AP3B2: variants seen among roughly 807,000 people sequenced by gnomAD.
The protein encoded by AP3B2 is adaptor related protein complex 3 subunit beta 2, also known as AP-3 complex subunit beta-2.
A neutral mutation model predicts 126.9 loss-of-function variants in AP3B2; 50 were observed. The observed-to-expected ratio is 0.39, with a 90% confidence interval of 0.31 to 0.50. The LOEUF (loss-of-function observed/expected upper bound fraction) is 0.50, where lower values mean the gene tolerates loss of function less well. AP3B2 is among the 20% of genes least tolerant of loss of function. AP3B2 has a pLI of 0.79. For missense variants in AP3B2, 1,177 were observed against 1,426.4 expected (o/e 0.83, Z 2.82); for synonymous variants, 541 against 565.0 (o/e 0.96, Z 0.60).
rs1189258557 is a variant in AP3B2, at chr15:82,680,967, A to G, written c.641T>C (p.Ile214Thr). Residue 214 changes from isoleucine to threonine, a missense_variant, in exon 7 of 27, where the codon ATC (isoleucine) becomes ACC (threonine). By Grantham distance (89) the Ile-to-Thr change is moderately conservative (BLOSUM62 -1). This residue lies in a region of AP3B2 where 130 missense variants were observed against 262.0 expected (regional missense o/e 0.50). Coordinates refer to ENST00000535359, the MANE Select transcript of AP3B2 (RefSeq NM_001278512.2). The surrounding 1 kb of genome is among the most constrained non-coding windows in gnomAD (Gnocchi z 6.1). ...CCGGTAGTTTTTGTGAATCAGGTCGATGCGCTCCGGGCAGACCTCCTCAAA... is the reference window on the plus strand; with the variant it reads ...CCGGTAGTTTTTGTGAATCAGGTCGGTGCGCTCCGGGCAGACCTCCTCAAA... Reference protein sequence around the residue: ...MAFEEVCPERIDLIHKNYRKL... With the variant: ...MAFEEVCPERTDLIHKNYRKL... 6.2e-7 allele frequency: 1 copy of G among 1,613,758 alleles called. No homozygotes were observed. Among genetic ancestry groups the G allele is most frequent in the South Asian group, 1.1e-5 (1 of 91,068 alleles).
intron 20 of AP3B2, 71 bp from the exon 21 acceptor site, chr15:82,663,691 A>T: frequency 2.5e-6 from 4 of 1,610,958 alleles, no homozygotes; most frequent in Non-Finnish European, 3.4e-6. Flanking sequence ...TGGGTAGAAG[A>T]TGTCATGTTC....
chr15:82,662,199 C>T lies in AP3B2; in HGVS notation c.2887G>A (p.Asp963Asn), dbSNP rs756920346. 7 of 1,604,096 alleles carry T rather than the reference C, an allele frequency of 4.4e-6. No individual in the cohort carries two copies. The highest frequency in any genetic ancestry group is 6.0e-6 in the Non-Finnish European group (7 of 1,175,240). ...ATAVMGINFC[D>N]STQAANFQLC... ...TGGAAGTTGGCTGCCTGGGTTGAGT[C>T]ACAGAAATTAATGCCCATTACAGCA... is the stretch of plus-strand genomic sequence containing the variant. Residue 963 changes from aspartate to asparagine, a missense_variant, in exon 24 of 27, where the codon GAC becomes AAC. Physicochemically the swap from Asp to Asn is conservative, Grantham distance 23. Around this residue, in one of 5 missense-constraint regions of AP3B2, gnomAD observed 587 missense variants for 571.3 expected, o/e 1.03. Transcript: ENST00000535359.
rs60453689 is a variant in AP3B2 at position 82,688,249 on chromosome 15, G to A, written c.360+487C>T. Reference sequence around the variant, plus strand: ...TTAGACTAACCAGAAAAGCCCTTAGGGGGGAGACTTATACATGCACCTAAC... The same window carrying A: ...TTAGACTAACCAGAAAAGCCCTTAGAGGGGAGACTTATACATGCACCTAAC... On this transcript the variant is annotated intron_variant, in intron 4 of 26. Transcript: ENST00000535359. 9.1e-4 allele frequency: 536 copies of A among 592,112 alleles called. 1 individual carries two copies. Among genetic ancestry groups the A allele is most frequent in the Admixed American group, 2.2e-3 (76 of 34,128 alleles). 36.7% of individuals were successfully genotyped at this position (592,112 alleles called of 1,614,324 possible). A position where few individuals can be genotyped will look rare whatever the true frequency, so the allele number is the denominator to read the frequency against.
At chr15:82,685,319 T>C (rs1340082473) in intron 4 of AP3B2, 1 of 152,202 alleles carries the variant, frequency 6.6e-6, no homozygotes, top group African/African-American at 2.4e-5. Context: ...AACCCTCAAT[T>C]TGTAAAAAGT....
At chr15:82,706,477 T>G (rs1348820298) in intron 1 of AP3B2, among the ~76,000 whole-genome samples, 2 of 151,870 alleles carry the variant, frequency 1.3e-5, no homozygotes, top group Non-Finnish European at 2.9e-5. Context: ...GAAGCTGGAG[T>G]CATTCACTGC....
At chr15:82,676,907 C>G (rs113048931) in intron 13 of AP3B2, among the ~76,000 whole-genome samples, 1 of 152,206 alleles carries the variant, frequency 6.6e-6, no homozygotes, top group African/African-American at 2.4e-5. Context: ...TTTCTGGATT[C>G]ATTGTACCCT....
chr15:82,709,759 C>A lies in AP3B2; in HGVS notation c.-53G>T. The stretch of plus-strand genomic sequence containing the variant: ...AGGAGGTTGCGGGGCCGGAGGCCGG[C>A]TGGAGCGGAGGAAGGGAAGGCGGGC... On this transcript the variant is annotated 5_prime_UTR_variant, in exon 1 of 27. Transcript: ENST00000535359. The A allele has an allele frequency of 7.2e-7, 1 of 1,389,388 alleles. No individual in the cohort carries two copies. The highest frequency in any genetic ancestry group is 9.5e-7 in the Non-Finnish European group (1 of 1,056,656). 86.1% of individuals were successfully genotyped at this position (1,389,388 alleles called of 1,614,324 possible).
chr15:82,691,800 A>G, intron 1 of AP3B2: 1 of 1,491,690 alleles, frequency 6.7e-7, no homozygotes, highest in African/African-American at 1.4e-5. Flanking sequence ...CTTGACCCAA[A>G]CCGAGACTGT....
At chr15:82,703,965 A>G (rs566951251) in intron 1 of AP3B2, among the ~76,000 whole-genome samples, 38 of 151,786 alleles carry the variant, frequency 2.5e-4, no homozygotes, top group African/African-American at 8.2e-4. Context: ...TAATCCTTCT[A>G]TCACCTCCTC....
rs772597740 is a variant in AP3B2, at chr15:82,666,799, C to T, written c.1800G>A (p.Lys600=). ...EQGGALSRHA[K]KLFLAPKPAP... is the part of the protein sequence containing the mutation. Reference sequence around the variant, plus strand: ...CTGGTTTGGGTGCCAGGAAGAGCTTCTTGGCATGGCGGCTGAGGGCCCCAC... The same window carrying T: ...CTGGTTTGGGTGCCAGGAAGAGCTTTTTGGCATGGCGGCTGAGGGCCCCAC... The change falls in exon 15 of 27, where the codon AAG becomes AAA. Residue 600 remains lysine, a synonymous_variant. Transcript: ENST00000535359. 6 of 1,614,022 alleles carry T rather than the reference C, an allele frequency of 3.7e-6. No homozygotes were observed. In the Admixed American group the frequency reaches 6.7e-5, roughly 18 times the overall value.
At chr15:82,674,076 A>G (rs1197079637) in intron 14 of AP3B2, among the ~76,000 whole-genome samples, 1 of 152,146 alleles carries the variant, frequency 6.6e-6, no homozygotes, top group South Asian at 2.1e-4. Context: ...CTGCTGATCA[A>G]TAGCAGGGCA....
intron 14 of AP3B2, among the ~76,000 whole-genome samples, chr15:82,672,531 G>A (rs745689804): frequency 6.6e-6 from 1 of 152,122 alleles, no homozygotes; most frequent in Non-Finnish European, 1.5e-5. Flanking sequence ...GAATGTGTAA[G>A]ATCTAGTATT....
intron 1 of AP3B2, among the ~76,000 whole-genome samples, chr15:82,694,746 C>T (rs1410151428): frequency 6.6e-6 from 1 of 151,380 alleles, no homozygotes; most frequent in Non-Finnish European, 1.5e-5. Context: ...AATTTATTTG[C>T]TCACAGTTCT....
chr15:82,672,108 A>G (rs772449143), intron 14 of AP3B2, among the ~76,000 whole-genome samples: 8 of 152,200 alleles, frequency 5.3e-5, no homozygotes, highest in African/African-American at 7.2e-5. Context: ...TGCTATGTAT[A>G]TACCCAAAAG....
In AP3B2 at chr15:82,663,852, T is replaced by A. The variant is rs768814861; in HGVS notation, c.2385A>T (p.Thr795=). The change falls in exon 20 of 27, where the codon ACA becomes ACT. Residue 795 remains threonine (T), a synonymous_variant. Transcript: ENST00000535359. The part of the protein sequence containing the change: ...SSSSSSESEM[T]SESEEEQLEP... ...CTAACTGCTCCTCCTCGGACTCCGA[T>A]GTCATCTCGGACTCTGATGAGCTAC... 1 of 1,613,972 alleles carries A rather than the reference T, an allele frequency of 6.2e-7. No individual in the cohort carries two copies.
Position 82,709,788 on chromosome 15 carries a change from T to C in AP3B2, c.-82A>G, listed in dbSNP as rs2048855038. 2 of 1,184,898 alleles carry C rather than the reference T, an allele frequency of 1.7e-6. No homozygotes were observed. Among genetic ancestry groups the C allele is most frequent in the South Asian group, 3.4e-5 (2 of 59,374 alleles). 73.4% of individuals were successfully genotyped at this position (1,184,898 alleles called of 1,614,324 possible). A position where few individuals can be genotyped will look rare whatever the true frequency, so the allele number is the denominator to read the frequency against. On this transcript the variant is annotated 5_prime_UTR_variant, in exon 1 of 27. Coordinates refer to ENST00000535359, the MANE Select transcript of AP3B2 (RefSeq NM_001278512.2). Reference sequence around the variant, plus strand: ...AGCGGAGGAAGGGAAGGCGGGCCGGTCCGGTCCGGGCTGGCGAAGGCGGCG... The same window carrying C: ...AGCGGAGGAAGGGAAGGCGGGCCGGCCCGGTCCGGGCTGGCGAAGGCGGCG...
chr15:82,669,667 G>A (rs184936440), intron 14 of AP3B2, among the ~76,000 whole-genome samples: 2 of 144,512 alleles, frequency 1.4e-5, no homozygotes, highest in East Asian at 2.1e-4. Context: ...ACTCCAGCCT[G>A]GTGACAGAGC....
intron 1 of AP3B2, chr15:82,691,870 A>C: frequency 7.8e-7 from 1 of 1,279,792 alleles, no homozygotes; most frequent in South Asian, 1.2e-5. Flanking sequence ...TTTCACTATC[A>C]TGAGAGTGGA....
chr15:82,673,137 T>C (rs2048185853), intron 14 of AP3B2, among the ~76,000 whole-genome samples: 1 of 152,236 alleles, frequency 6.6e-6, no homozygotes, highest in Non-Finnish European at 1.5e-5. Flanking sequence ...AAATTTATAG[T>C]AATTTATTAT....
Sources: allele counts gnomAD v4.1 joint callset (sites outside exome capture counted in the v4.1 genomes callset), GRCh38; gene constraint gnomAD v4.1.1; regional missense constraint gnomAD v4.1.1; non-coding constraint Gnocchi (gnomAD v3.1); transcripts MANE v1.5; gene names NCBI Gene and HGNC (gene_info 2026-07-23, HGNC 2026-07-21).